Variants in SH3TC2 observed in about 807,000 individuals in gnomAD.
SH3TC2 encodes the protein SH3 domain and tetratricopeptide repeats 2, also known as SH3 domain and tetratricopeptide repeat-containing protein 2.
SH3TC2 carries 87 observed loss-of-function variants against 124.5 expected under a neutral mutation model. The ratio of observed to expected loss-of-function variants is 0.70; its 90% CI spans 0.59 to 0.84. The LOEUF (loss-of-function observed/expected upper bound fraction) is 0.84. Among genes scored for constraint, SH3TC2 ranks in the 40% least tolerant of loss-of-function variants. SH3TC2 has a pLI of 0.00. For missense variants in SH3TC2, 1,536 were observed against 1,566.4 expected (o/e 0.98, Z 0.33); for synonymous variants, 634 against 628.5 (o/e 1.01, Z -0.13).
chr5:149,045,954 TA>T (rs941399402), intron 3 of SH3TC2: 78 of 427,166 alleles, frequency 1.8e-4, no homozygotes, highest in African/African-American at 6.7e-4. Flanking sequence ...CTGGTTTTTT[TA>T]TAATACCTAA....
At chr5:149,057,531 C>G (rs1754670878) in intron 1 of SH3TC2, 1 of 152,160 alleles carries the variant, frequency 6.6e-6, no homozygotes, top group Admixed American at 6.6e-5. Context: ...GTATTTAGCC[C>G]AGCATCCATT....
At position 149,026,672 on chromosome 5, in the gene SH3TC2, C is replaced by T; in HGVS notation, c.2953G>A (p.Glu985Lys). 2 of 1,614,142 alleles carry T rather than the reference C, an allele frequency of 1.2e-6. No individual in the cohort carries two copies. Among genetic ancestry groups the T allele is most frequent in the African/African-American group, 1.3e-5 (1 of 75,022 alleles). ...PNPEACITYH[E>K]HWLALAQQLR... ...TGCTGAGCCAGGGCCAGCCAGTGCT[C>T]ATGGTAGGTGATGCATGCCTCAGGG... Residue 985 changes from glutamate (E) to lysine (K), a missense_variant, in exon 12 of 17, where the codon GAG (glutamate) becomes AAG (lysine). Physicochemically the swap from Glu to Lys is moderately conservative, Grantham distance 56. Around this residue, in one of 3 missense-constraint regions of SH3TC2, gnomAD observed 426 missense variants for 443.5 expected, o/e 0.96. Transcript: ENST00000515425.
rs190678153 is a variant in SH3TC2, at chr5:149,009,099, G to A, written c.3328-98C>T. The stretch of plus-strand genomic sequence containing the variant: ...CTTCTACAGGCAGGGGTTGGGGAAC[G>A]GCAGTGGACTAAAACAAAGGGGAGT... On this transcript the variant is annotated intron_variant, in intron 14 of 16. Transcript: ENST00000515425. The A allele has an allele frequency of 2.5e-5, 36 of 1,452,900 alleles. No individual in the cohort carries two copies. The Middle Eastern group carries it at 5.3e-4, about 21-fold the overall frequency. 90.0% of individuals were successfully genotyped at this position (1,452,900 alleles called of 1,614,324 possible).
chr5:149,031,696 G>T lies in SH3TC2; in HGVS notation c.1002-9C>A. 1 of 1,613,648 alleles carries T rather than the reference G, an allele frequency of 6.2e-7. No homozygotes were observed. The highest frequency in any genetic ancestry group is 8.5e-7 in the Non-Finnish European group (1 of 1,179,946). ...AGGCAGAGTTCCTGCTCCTGCATCG[G>T]GGCAAAAAACACAGAGACAGATTAC... On this transcript the variant is annotated splice_polypyrimidine_tract_variant and intron_variant, in intron 8 of 16. Coordinates refer to ENST00000515425, the MANE Select transcript of SH3TC2 (RefSeq NM_024577.4).
rs745557670 is a variant in SH3TC2 at position 148,991,412 on chromosome 5, C to G, written c.*13299G>C. 6.6e-6 allele frequency among the ~76,000 whole-genome samples: 1 copy of G among 152,192 alleles called. No homozygotes were observed. Among genetic ancestry groups the G allele is most frequent in the Non-Finnish European group, 1.5e-5 (1 of 68,046 alleles). ...CCAGCCAGCAATTAAATCTACAGTTCCCTCAACAACAAAGCTAACTTTAGC... is the reference window on the plus strand; with the variant it reads ...CCAGCCAGCAATTAAATCTACAGTTGCCTCAACAACAAAGCTAACTTTAGC... On this transcript the variant is annotated 3_prime_UTR_variant, in exon 17 of 17. Transcript: ENST00000515425.
intron 1 of SH3TC2, 138 bp from the exon 2 acceptor site, chr5:149,052,378 A>G (rs993650295): frequency 7.3e-6 from 5 of 687,490 alleles, no homozygotes; most frequent in Non-Finnish European, 1.3e-5. Context: ...TGTTATCACC[A>G]TTGCCTTGTA....
intron 8 of SH3TC2, among the ~76,000 whole-genome samples, chr5:149,037,163 C>T (rs751923767): frequency 1.3e-5 from 2 of 152,230 alleles, no homozygotes; most frequent in Non-Finnish European, 2.9e-5. Flanking sequence ...CTCCAAACTA[C>T]ATGAGTCGTT....
At position 148,991,312 on chromosome 5, in the gene SH3TC2, AG is replaced by A. The variant is rs1394296761; in HGVS notation, c.*13398del. 5.9e-5 allele frequency among the ~76,000 whole-genome samples: 9 copies of A among 152,350 alleles called. No individual in the cohort carries two copies. The East Asian group carries it at 1.5e-3, about 26-fold the overall frequency. Reference sequence around the variant, plus strand: ...GCAGGGCAAAGAAGGTGCTTTCACTAGGGTAATGTGTACCCCTTGCTGTGCT... The same window carrying A: ...GCAGGGCAAAGAAGGTGCTTTCACTAGGTAATGTGTACCCCTTGCTGTGCT... On this transcript the variant is annotated 3_prime_UTR_variant, in exon 17 of 17. Transcript: ENST00000515425.
At position 148,998,892 on chromosome 5, in the gene SH3TC2, C is replaced by A. The variant is rs1368089421; in HGVS notation, c.*5819G>T. On this transcript the variant is annotated 3_prime_UTR_variant, in exon 17 of 17. Transcript: ENST00000515425. ...GTACATATCAGGAAATATATGCTGT[C>A]CCACCGAAGAGGGAAGACCGCCAAG... 1.3e-5 allele frequency among the ~76,000 whole-genome samples: 2 copies of A among 152,090 alleles called. No homozygotes were observed. The highest frequency in any genetic ancestry group is 4.8e-5 in the African/African-American group (2 of 41,406).
At chr5:149,055,097 G>A (rs1027218880) in intron 1 of SH3TC2, among the ~76,000 whole-genome samples, 11 of 152,164 alleles carry the variant, frequency 7.2e-5, no homozygotes, top group African/African-American at 2.7e-4. Context: ...AAGAATATCT[G>A]CATGACTTGA....
At position 149,028,492 on chromosome 5, in the gene SH3TC2, C is replaced by A. The variant is rs138303846; in HGVS notation, c.1240G>T (p.Val414Leu). 6.2e-7 allele frequency: 1 copy of A among 1,613,236 alleles called. No homozygotes were observed. Among genetic ancestry groups the A allele is most frequent in the Non-Finnish European group, 8.5e-7 (1 of 1,179,462 alleles). The change falls in exon 11 of 17, where the codon GTG (valine) becomes TTG (leucine). Residue 414 changes from valine (V) to leucine (L), a missense_variant. Coordinates refer to ENST00000515425, the MANE Select transcript of SH3TC2 (RefSeq NM_024577.4). ...PGRAWEEHQA[V>L]GSRQSSSSED... Reference sequence around the variant, plus strand: ...GAGCTGCTGGACTGTCTGGACCCCACGGCCTGATGCTCCTCCCAGGCTCTG... The same window carrying A: ...GAGCTGCTGGACTGTCTGGACCCCAAGGCCTGATGCTCCTCCCAGGCTCTG...
At position 149,003,715 on chromosome 5, in the gene SH3TC2, A is replaced by G; in HGVS notation, c.*996T>C. ...TCAATAAGATGCCTTGTAGTTGGGT[A>G]TGGCACATGCCTGTAGTTCCAGCTA... On this transcript the variant is annotated 3_prime_UTR_variant, in exon 17 of 17. Transcript: ENST00000515425. The G allele has an allele frequency of 4.9e-6, 2 of 410,696 alleles. No individual in the cohort carries two copies. Among genetic ancestry groups the G allele is most frequent in the African/African-American group, 2.1e-5 (1 of 47,634 alleles). The allele number at this position is 410,696 out of a possible 1,614,324, so 25.4% of individuals were successfully genotyped here. A position where few individuals can be genotyped will look rare whatever the true frequency, so the allele number is the denominator to read the frequency against.
chr5:149,013,997 A>T (rs994783978), intron 12 of SH3TC2, among the ~76,000 whole-genome samples: 2 of 152,150 alleles, frequency 1.3e-5, no homozygotes, highest in Non-Finnish European at 2.9e-5. Flanking sequence ...AGACTTGCTG[A>T]TCTAGTCCAA....
chr5:149,010,148 G>T, intron 14 of SH3TC2, 122 bp downstream of exon 14: 1 of 1,409,882 alleles, frequency 7.1e-7, no homozygotes, highest in Non-Finnish European at 9.9e-7. Flanking sequence ...CACTGGACAA[G>T]AAAGAGAGAA....
chr5:149,057,793 A>G (rs1159929509), intron 1 of SH3TC2: 1 of 152,110 alleles, frequency 6.6e-6, no homozygotes, highest in African/African-American at 2.4e-5. Context: ...TAGCCATGTG[A>G]CCCATGTGAA....
intron 12 of SH3TC2, among the ~76,000 whole-genome samples, chr5:149,022,812 C>G (rs1273855983): frequency 1.3e-5 from 2 of 152,090 alleles, no homozygotes; most frequent in East Asian, 3.9e-4. Flanking sequence ...TGTATGATAC[C>G]ATTTATATCA....
chr5:149,008,224 T>C (rs1753724404), intron 15 of SH3TC2: 1 of 159,510 alleles, frequency 6.3e-6, no homozygotes. Flanking sequence ...CCTGCTTTTC[T>C]TCAAACACCA....
Position 149,007,071 on chromosome 5 carries a change from T to C in SH3TC2, c.3485A>G (p.Gln1162Arg), listed in dbSNP as rs779701857. ...GTGAAAGGCCACCAGCTCTTGCCTCTGATCTCCTAAGAATTGGAAGACTGA... is the reference window on the plus strand; with the variant it reads ...GTGAAAGGCCACCAGCTCTTGCCTCCGATCTCCTAAGAATTGGAAGACTGA... Reference protein sequence around the residue: ...AARLSTVTGDQRQELVAFHRL... With the variant: ...AARLSTVTGDRRQELVAFHRL... The change falls in exon 16 of 17, where the codon CAG becomes CGG. Residue 1162 changes from glutamine to arginine, a missense_variant. Around this residue, in one of 3 missense-constraint regions of SH3TC2, gnomAD observed 426 missense variants for 443.5 expected, o/e 0.96. Transcript: ENST00000515425. The C allele has an allele frequency of 9.3e-6, 15 of 1,614,184 alleles. 1 individual carries two copies. In the South Asian group the frequency reaches 1.2e-4, roughly 13 times the overall value.
intron 12 of SH3TC2, among the ~76,000 whole-genome samples, chr5:149,018,020 C>T (rs1299643499): frequency 6.6e-6 from 1 of 152,344 alleles, no homozygotes; most frequent in East Asian, 1.9e-4. Flanking sequence ...GCCTAAAACA[C>T]TTACTATATG....
Sources: gnomAD v4.1 joint callset for allele counts (sites outside exome capture counted in the v4.1 genomes callset) on GRCh38, gnomAD v4.1.1 for gene constraint, gnomAD v4.1.1 regional missense constraint, MANE v1.5 for transcripts, NCBI Gene and HGNC (gene_info 2026-07-23, HGNC 2026-07-21) for gene names.